The following PDZRN4 variants were observed in gnomAD, a reference collection of about 807,000 sequenced individuals.
PDZRN4 encodes the protein PDZ domain containing ring finger 4, also known as PDZ domain-containing RING finger protein 4.
PDZRN4 carries 70 observed loss-of-function variants against 99.0 expected under a neutral mutation model. That is an observed-to-expected ratio of 0.71 (90% CI 0.58 to 0.86). The LOEUF (loss-of-function observed/expected upper bound fraction) is 0.86, where lower values mean the gene tolerates loss of function less well. PDZRN4 is among the 40% of genes least tolerant of loss of function. The pLI is 0.00. For missense variants in PDZRN4, 1,474 were observed against 1,331.2 expected (o/e 1.11, Z -1.67); for synonymous variants, 551 against 501.6 (o/e 1.10, Z -1.32).
intron 3 of PDZRN4, among the ~76,000 whole-genome samples, chr12:41,476,655 T>C (rs1303785277): frequency 6.6e-6 from 1 of 152,188 alleles, no homozygotes; most frequent in Non-Finnish European, 1.5e-5. Flanking sequence ...GCTCCTCTTA[T>C]CCAGGTGTTT....
At chr12:41,501,483 G>A (rs957081151) in intron 3 of PDZRN4, among the ~76,000 whole-genome samples, 1 of 152,150 alleles carries the variant, frequency 6.6e-6, no homozygotes, top group Non-Finnish European at 1.5e-5. Flanking sequence ...CAAAAGGGTA[G>A]ATGATTCATT....
Position 41,188,327 on chromosome 12 carries a change from C to A in PDZRN4, c.-129C>A. ...AGCCAAACAAACAGTGAGATCACAC[C>A]TCCCACCCGCCACCTCCCTCCACTG... On this transcript the variant is annotated 5_prime_UTR_variant, in exon 1 of 10. Coordinates refer to ENST00000402685, the MANE Select transcript of PDZRN4 (RefSeq NM_001164595.2). 1 of 815,574 alleles carries A rather than the reference C, an allele frequency of 1.2e-6. No homozygotes were observed. The highest frequency in any genetic ancestry group is 1.8e-6 in the Non-Finnish European group (1 of 541,086). The allele number at this position is 815,574 out of a possible 1,614,324, so 50.5% of individuals were successfully genotyped here. A position where few individuals can be genotyped will look rare whatever the true frequency, so the allele number is the denominator to read the frequency against.
At chr12:41,460,836 AGT>A (rs1565588918) in intron 3 of PDZRN4, among the ~76,000 whole-genome samples, 1 of 152,324 alleles carries the variant, frequency 6.6e-6, no homozygotes, top group Non-Finnish European at 1.5e-5. Context: ...TAGATGAATA[AGT>A]TCATGGGAAA....
chr12:41,378,934 A>G (rs1210570357), intron 3 of PDZRN4, among the ~76,000 whole-genome samples: 2 of 152,180 alleles, frequency 1.3e-5, no homozygotes, highest in Non-Finnish European at 2.9e-5. Context: ...CTCAGGGAAT[A>G]AATTATTTGG....
At chr12:41,342,804 CT>C (rs540426929) in intron 3 of PDZRN4, among the ~76,000 whole-genome samples, 308 of 151,934 alleles carry the variant, frequency 2.0e-3, no homozygotes, top group Non-Finnish European at 2.9e-3. Flanking sequence ...ATGGAGTTTT[CT>C]CAAAAAATTA....
At chr12:41,199,504 TG>T (rs1950800773) in intron 3 of PDZRN4, among the ~76,000 whole-genome samples, 1 of 152,146 alleles carries the variant, frequency 6.6e-6, no homozygotes, top group Non-Finnish European at 1.5e-5. Context: ...ATCACACTAC[TG>T]GGTATCTACC....
At chr12:41,403,644 T>C (rs966244297) in intron 3 of PDZRN4, among the ~76,000 whole-genome samples, 4 of 152,164 alleles carry the variant, frequency 2.6e-5, no homozygotes, top group African/African-American at 9.7e-5. Flanking sequence ...CAGTCCTCAC[T>C]GAAAAGTTTG....
chr12:41,558,209 C>T (rs956374390), intron 7 of PDZRN4, among the ~76,000 whole-genome samples: 1 of 152,110 alleles, frequency 6.6e-6, no homozygotes, highest in Admixed American at 6.6e-5. Flanking sequence ...CTCAGAGTCA[C>T]GTTACATCCA....
intron 3 of PDZRN4, among the ~76,000 whole-genome samples, chr12:41,468,194 A>G (rs2120557723): frequency 6.6e-6 from 1 of 152,356 alleles, no homozygotes; most frequent in South Asian, 2.1e-4. Context: ...GAGAATATGC[A>G]TCTGACCCTC....
chr12:41,390,623 A>G (rs1185027851), intron 3 of PDZRN4, among the ~76,000 whole-genome samples: 1 of 149,632 alleles, frequency 6.7e-6, no homozygotes, highest in East Asian at 2.0e-4. Flanking sequence ...TCTGGGGTTT[A>G]GATCATACAT....
intron 7 of PDZRN4, among the ~76,000 whole-genome samples, chr12:41,557,173 A>C (rs1328398522): frequency 6.7e-6 from 1 of 148,906 alleles, no homozygotes; most frequent in Non-Finnish European, 1.5e-5. Context: ...AAAAAAAAAA[A>C]GAATGGCTGC....
intron 5 of PDZRN4, among the ~76,000 whole-genome samples, chr12:41,549,395 A>G (rs916743328): frequency 2.0e-5 from 3 of 152,182 alleles, no homozygotes; most frequent in African/African-American, 7.2e-5. Flanking sequence ...TTTGCCTCCT[A>G]CAAACAAAAT....
rs1336398278 is a variant in PDZRN4, at chr12:41,411,007, T to C, written c.844-95449T>C. On this transcript the variant is annotated intron_variant, in intron 3 of 9. Transcript: ENST00000402685. ...AATCCTCCCATCTCAGGCTCCCGAA[T>C]AGCTAGGACCACAGGCACGTGCCAC... Among the ~76,000 whole-genome samples, 4 of 151,748 alleles carry C rather than the reference T, an allele frequency of 2.6e-5. No individual in the cohort carries two copies. In the East Asian group the frequency reaches 7.8e-4, roughly 29 times the overall value.
Position 41,189,056 on chromosome 12 carries a change from G to T in PDZRN4, c.601G>T (p.Ala201Ser). 1 of 1,578,662 alleles carries T rather than the reference G, an allele frequency of 6.3e-7. No homozygotes were observed. The stretch of plus-strand genomic sequence containing the variant: ...CCAGGAGAAGTTCACCCAATACATG[G>T]CTCACGTCCGCAACTTCGTCGGCGA... ...RYQEKFTQYM[A>S]HVRNFVGDLG... Residue 201 changes from alanine to serine, a missense_variant, in exon 1 of 10, where the codon GCT (alanine) becomes TCT (serine). Coordinates refer to ENST00000402685, the MANE Select transcript of PDZRN4 (RefSeq NM_001164595.2).
intron 3 of PDZRN4, among the ~76,000 whole-genome samples, chr12:41,290,522 A>T (rs1951451063): frequency 6.6e-6 from 1 of 152,180 alleles, no homozygotes; most frequent in Non-Finnish European, 1.5e-5. Context: ...CTTCAGGAAA[A>T]TTATACATCT....
Position 41,572,913 on chromosome 12 carries a change from A to T in PDZRN4, c.2134A>T (p.Thr712Ser). The T allele has an allele frequency of 6.2e-7, 1 of 1,614,126 alleles. No homozygotes were observed. Among genetic ancestry groups the T allele is most frequent in the Non-Finnish European group, 8.5e-7 (1 of 1,180,006 alleles). The change falls in exon 10 of 10, where the codon ACC (threonine) becomes TCC (serine). Residue 712 changes from threonine to serine, a missense_variant. Transcript: ENST00000402685. Reference sequence around the variant, plus strand: ...TGATGGAGGATTCCGGAATTATAACACCAGCATAGATATGCAAAGGGGAAA... The same window carrying T: ...TGATGGAGGATTCCGGAATTATAACTCCAGCATAGATATGCAAAGGGGAAA... ...LHDGGFRNYN[T>S]SIDMQRGKLD...
Position 41,550,695 on chromosome 12 carries a change from A to G in PDZRN4, c.1204-1961A>G, listed in dbSNP as rs573733163. 1.4e-4 allele frequency among the ~76,000 whole-genome samples: 21 copies of G among 152,314 alleles called. 1 individual carries two copies. The highest frequency in any genetic ancestry group is 4.8e-4 in the African/African-American group (20 of 41,570). On this transcript the variant is annotated intron_variant, in intron 5 of 9. Transcript: ENST00000402685. ...ACCAGTCAGAAAGTCAGCATTCTTC[A>G]TAGTTTCATGCATTTCACTAATTTG...
At chr12:41,347,120 AT>A (rs1225236612) in intron 3 of PDZRN4, among the ~76,000 whole-genome samples, 2 of 152,064 alleles carry the variant, frequency 1.3e-5, no homozygotes, top group Admixed American at 1.3e-4. Context: ...TCATGTATGA[AT>A]TTTTGTGTGG....
chr12:41,338,539 T>TA (rs1211984481), intron 3 of PDZRN4, among the ~76,000 whole-genome samples: 8 of 151,062 alleles, frequency 5.3e-5, no homozygotes, highest in Admixed American at 1.3e-4. Flanking sequence ...TTCGAAAAGA[T>TA]AAAAAAATCA....
Sources: allele counts gnomAD v4.1 joint callset (sites outside exome capture counted in the v4.1 genomes callset), GRCh38; gene constraint gnomAD v4.1.1; transcripts MANE v1.5; gene names NCBI Gene and HGNC (gene_info 2026-07-23, HGNC 2026-07-21).